The following GNE variants were observed in gnomAD, a reference collection of about 807,000 sequenced individuals.
GNE encodes the protein glucosamine (UDP-N-acetyl)-2-epimerase/N-acetylmannosamine kinase.
Under a neutral mutation model 61.8 loss-of-function variants are expected in GNE, and 41 were observed. That is an observed-to-expected ratio of 0.66 (90% CI 0.52 to 0.86). GNE has a LOEUF of 0.86. Among genes scored for constraint, GNE ranks in the 40% least tolerant of loss-of-function variants. GNE has a pLI of 0.00. For missense variants in GNE, 608 were observed against 909.1 expected (o/e 0.67, Z 4.26); for synonymous variants, 264 against 326.4 (o/e 0.81, Z 2.06).
intron 1 of GNE, among the ~76,000 whole-genome samples, chr9:36,273,008 G>A (rs971373850): frequency 2.0e-5 from 3 of 151,360 alleles, no homozygotes; most frequent in East Asian, 2.0e-4. Context: ...TTGCTTGAGT[G>A]CAGGAGGTGG....
intron 2 of GNE, among the ~76,000 whole-genome samples, chr9:36,247,307 G>A (rs1039767697): frequency 1.4e-4 from 22 of 151,814 alleles, no homozygotes; most frequent in African/African-American, 4.8e-4. Flanking sequence ...CGCCCGCCTC[G>A]TCCTCCCAAA....
At chr9:36,235,838 C>CA (rs1312798746) in intron 4 of GNE, among the ~76,000 whole-genome samples, 6 of 151,540 alleles carry the variant, frequency 4.0e-5, no homozygotes, top group African/African-American at 1.2e-4. Context: ...CCTCCTTTAC[C>CA]AAAAAAAAGC....
At chr9:36,274,733 T>C (rs1277267156) in intron 1 of GNE, among the ~76,000 whole-genome samples, 2 of 151,972 alleles carry the variant, frequency 1.3e-5, no homozygotes, top group Admixed American at 1.3e-4. Context: ...TTTTTTTTTT[T>C]TTCTCTTGAG....
At chr9:36,260,868 CAAAA>C (rs745821430), upstream of GNE, among the ~76,000 whole-genome samples, 508 of 95,974 alleles carry the variant, frequency 5.3e-3, 9 homozygotes, top group African/African-American at 0.017. Flanking sequence ...GACTCTATCT[CAAAA>C]AAAAAAAAAA....
At chr9:36,265,661 A>G in intron 1 of GNE, 1 of 303,248 alleles carries the variant, frequency 3.3e-6, no homozygotes, top group African/African-American at 2.2e-5. Context: ...TCTTTTTGGC[A>G]CCAGGGACTG....
rs546899018 is a variant in GNE, at chr9:36,274,885, G to T, written c.51+2009C>A. ...CTACAGGCACCCGCCATCATGCCCG[G>T]CTAATTTTTTTTGTATTTTTAGTAG... On this transcript the variant is annotated intron_variant, in intron 1 of 11. Coordinates refer to the GNE transcript ENST00000396594. Among the ~76,000 whole-genome samples, 351 of 152,124 alleles carry T rather than the reference G, an allele frequency of 2.3e-3. 1 individual carries two copies. Among genetic ancestry groups the T allele is most frequent in the Non-Finnish European group, 4.1e-3 (281 of 68,004 alleles).
At chr9:36,264,503 C>T (rs1053318108) in intron 1 of GNE, among the ~76,000 whole-genome samples, 3 of 152,092 alleles carry the variant, frequency 2.0e-5, no homozygotes, top group Non-Finnish European at 4.4e-5. Flanking sequence ...AAACTGTGAG[C>T]CAGGGAGAAT....
At chr9:36,221,761 C>A (rs548303123) in intron 9 of GNE, among the ~76,000 whole-genome samples, 19 of 150,704 alleles carry the variant, frequency 1.3e-4, no homozygotes, top group Non-Finnish European at 2.5e-4. Flanking sequence ...CAGGAGGATC[C>A]CTCGAGCCCA....
upstream of GNE, among the ~76,000 whole-genome samples, chr9:36,260,893 A>AAAC (rs1830596090): frequency 7.3e-6 from 1 of 136,982 alleles, no homozygotes; most frequent in African/African-American, 2.7e-5. Context: ...AAAAAAAAAA[A>AAAC]AAAAAAACCC....
chr9:36,219,972 G>A lies in GNE; in HGVS notation c.1682C>T (p.Ser561Phe). The A allele has an allele frequency of 6.2e-7, 1 of 1,614,020 alleles. No homozygotes were observed. Among genetic ancestry groups the A allele is most frequent in the Non-Finnish European group, 8.5e-7 (1 of 1,179,898 alleles). ...GTGGCCCAGTTCTGCAGCACAGAAG[G>A]AGCTTCCGTGGATCAATTCATGCTG... ...IHQHELIHGS[S>F]FCAAELGHLV... The change falls in exon 10 of 12, where the codon TCC becomes TTC. Residue 561 changes from serine to phenylalanine, a missense_variant. By Grantham distance (155) the Ser-to-Phe change is radical. Coordinates refer to ENST00000642385, the MANE Select transcript of GNE (RefSeq NM_005476.7).
intron 3 of GNE, among the ~76,000 whole-genome samples, chr9:36,238,808 C>A (rs986550634): frequency 1.3e-5 from 2 of 152,108 alleles, no homozygotes; most frequent in Non-Finnish European, 2.9e-5. Context: ...GAAATCCTTG[C>A]CTAAGCCAAT....
rs34441447 is a variant in GNE at position 36,242,732 on chromosome 9, GTTTTTTT to G, written c.616+3292_616+3298del. Among the ~76,000 whole-genome samples the G allele has an allele frequency of 2.4e-4, 23 of 96,000 alleles. No homozygotes were observed. In the East Asian group the frequency reaches 6.4e-3, roughly 27 times the overall value. The allele number at this position is 96,000 out of a possible 152,430, so 63.0% of individuals were successfully genotyped here. A position where few individuals can be genotyped will look rare whatever the true frequency, so the allele number is the denominator to read the frequency against. On this transcript the variant is annotated intron_variant, in intron 3 of 11. Coordinates refer to ENST00000642385, the MANE Select transcript of GNE (RefSeq NM_005476.7). Reference sequence around the variant, plus strand: ...CGCATCTGGCCTGGGTTTTATGCTTGTTTTTTTTTTTTTTTTTTTTTTTGAGATGGAG... The same window carrying G: ...CGCATCTGGCCTGGGTTTTATGCTTGTTTTTTTTTTTTTTTTGAGATGGAG...
In GNE at chr9:36,249,415, A is replaced by G. The variant is rs1359152687; in HGVS notation, c.-42-18T>C. The G allele has an allele frequency of 3.3e-6, 5 of 1,532,562 alleles. No homozygotes were observed. The African/African-American group carries it at 6.9e-5, about 21-fold the overall frequency. 94.9% of individuals were successfully genotyped at this position (1,532,562 alleles called of 1,614,324 possible). A position where few individuals can be genotyped will look rare whatever the true frequency, so the allele number is the denominator to read the frequency against. ...TAGAGTTCCTGAAATTGCCAAAATAAAAACTTTATAATCAGAATAACTCCT... is the reference window on the plus strand; with the variant it reads ...TAGAGTTCCTGAAATTGCCAAAATAGAAACTTTATAATCAGAATAACTCCT... On this transcript the variant is annotated intron_variant, in intron 1 of 11. Transcript: ENST00000642385.
intron 1 of GNE, among the ~76,000 whole-genome samples, chr9:36,272,915 TAC>T (rs764364506): frequency 0.016 from 219 of 13,844 alleles, 32 homozygotes; most frequent in Middle Eastern, 0.05. Context: ...CTAGTAAAAA[TAC>T]AAAAAAAAAA....
chr9:36,223,591 C>T (rs1394217330), intron 7 of GNE, 89 bp from the exon 8 acceptor site: 1 of 1,356,424 alleles, frequency 7.4e-7, no homozygotes. Context: ...ACAAATTAGA[C>T]ACTGCTATAG....
rs1828910974 is a variant in GNE, at chr9:36,227,265, C to T, written c.1264G>A (p.Ala422Thr). Residue 422 changes from alanine (A) to threonine (T), a missense_variant, in exon 7 of 12, where the codon GCA becomes ACA. Coordinates refer to ENST00000642385, the MANE Select transcript of GNE (RefSeq NM_005476.7). ...TATTTTACCTTCATGCTGACTATTG[C>T]AACTCGGAGGTTCGTCCCGCCAAGA... ...VDLGGTNLRV[A>T]IVSMKGEIVK... 6.2e-7 allele frequency: 1 copy of T among 1,611,266 alleles called. No homozygotes were observed. Among genetic ancestry groups the T allele is most frequent in the Admixed American group, 1.7e-5 (1 of 60,008 alleles).
At chr9:36,237,440 C>T (rs1213713932) in intron 3 of GNE, among the ~76,000 whole-genome samples, 2 of 152,142 alleles carry the variant, frequency 1.3e-5, no homozygotes, top group African/African-American at 2.4e-5. Context: ...TATCACCTAC[C>T]AGATTCAACA....
intron 3 of GNE, among the ~76,000 whole-genome samples, chr9:36,243,271 C>CT (rs919657205): frequency 3.9e-5 from 6 of 152,128 alleles, no homozygotes; most frequent in Non-Finnish European, 8.8e-5. Context: ...TCTCAAACCC[C>CT]TAGGCTCAAG....
intron 1 of GNE, among the ~76,000 whole-genome samples, chr9:36,271,245 C>G (rs1392817398): frequency 6.6e-6 from 1 of 152,226 alleles, no homozygotes; most frequent in Admixed American, 6.5e-5. Context: ...TCTTCCTTGT[C>G]TGCTGCTTAC....
Sources: gnomAD v4.1 joint callset for allele counts (sites outside exome capture counted in the v4.1 genomes callset) on GRCh38, gnomAD v4.1.1 for gene constraint, MANE v1.5 for transcripts, NCBI Gene and HGNC (gene_info 2026-07-23, HGNC 2026-07-21) for gene names.